COL5A2: variants seen among roughly 807,000 people sequenced by gnomAD.
COL5A2 encodes the protein collagen type V alpha 2 chain, also known as collagen alpha-2(V) chain.
In COL5A2, 23 loss-of-function variants were observed where a neutral mutation model predicts 208.2. The observed-to-expected ratio is 0.11, with a 90% confidence interval of 0.08 to 0.16. The LOEUF (loss-of-function observed/expected upper bound fraction) is 0.16, where lower values mean the gene tolerates loss of function less well. COL5A2 is among the 10% of genes least tolerant of loss of function. The pLI is 1.00. For missense variants in COL5A2, 1,590 were observed against 1,956.4 expected (o/e 0.81, Z 3.53); for synonymous variants, 625 against 628.5 (o/e 0.99, Z 0.08).
chr2:189,278,871 T>C, the COL5A2 span, among the ~76,000 whole-genome samples: 1 of 152,054 alleles, frequency 6.6e-6, no homozygotes, highest in South Asian at 2.1e-4. Context: ...TGATTTATTA[T>C]TTTAGCAGTC....
At chr2:189,239,565 A>G in the COL5A2 span, among the ~76,000 whole-genome samples, 1 of 143,390 alleles carries the variant, frequency 7.0e-6, no homozygotes, top group African/African-American at 2.6e-5. Flanking sequence ...TGGGAATTGA[A>G]CAATGAGAAC....
At chr2:189,072,662 C>T (rs1016380108) in intron 17 of COL5A2, among the ~76,000 whole-genome samples, 1 of 148,192 alleles carries the variant, frequency 6.7e-6, no homozygotes, top group Non-Finnish European at 1.5e-5. Flanking sequence ...ATCCCAGCTA[C>T]TTGGGAGGCT....
intron 1 of COL5A2, among the ~76,000 whole-genome samples, chr2:189,149,803 T>C (rs1688110699): frequency 1.3e-5 from 2 of 152,160 alleles, no homozygotes; most frequent in African/African-American, 4.8e-5. Flanking sequence ...CATCAAGTCA[T>C]TAACCTCCAG....
the COL5A2 span, among the ~76,000 whole-genome samples, chr2:189,323,863 A>C: frequency 6.6e-6 from 1 of 152,220 alleles, no homozygotes; most frequent in Non-Finnish European, 1.5e-5. Flanking sequence ...TGCATTGCCA[A>C]GTCAATACTA....
the COL5A2 span, among the ~76,000 whole-genome samples, chr2:189,316,112 A>G: frequency 6.6e-6 from 1 of 152,198 alleles, no homozygotes; most frequent in Non-Finnish European, 1.5e-5. Flanking sequence ...ATTACTTGCT[A>G]TATACCTAAG....
At chr2:189,342,345 A>G in the COL5A2 span, among the ~76,000 whole-genome samples, 1 of 148,208 alleles carries the variant, frequency 6.7e-6, no homozygotes, top group South Asian at 2.1e-4. Context: ...AACTAAAAAT[A>G]CCAATAATTT....
chr2:189,071,440 TGAGA>T (rs1453388618), intron 18 of COL5A2, among the ~76,000 whole-genome samples: 2 of 152,300 alleles, frequency 1.3e-5, no homozygotes, highest in East Asian at 1.9e-4. Flanking sequence ...CCCAAAGTAC[TGAGA>T]GAAAGAACCA....
chr2:189,246,322 G>A, the COL5A2 span, among the ~76,000 whole-genome samples: 12 of 151,860 alleles, frequency 7.9e-5, no homozygotes, highest in African/African-American at 2.9e-4. Flanking sequence ...ATCAAAGCGT[G>A]GCCAAAGGGA....
the COL5A2 span, among the ~76,000 whole-genome samples, chr2:189,411,333 C>T: frequency 6.6e-6 from 1 of 152,072 alleles, no homozygotes; most frequent in African/African-American, 2.4e-5. Flanking sequence ...AACGAATGTT[C>T]CTTAAGACTA....
the COL5A2 span, among the ~76,000 whole-genome samples, chr2:189,327,475 T>C: frequency 1.3e-5 from 2 of 151,724 alleles, no homozygotes; most frequent in Admixed American, 1.3e-4. Flanking sequence ...AAAGTACAGA[T>C]TGAAGAAAGG....
intron 1 of COL5A2, among the ~76,000 whole-genome samples, chr2:189,200,935 C>T (rs1689061006): frequency 6.6e-6 from 1 of 151,886 alleles, no homozygotes; most frequent in Admixed American, 6.6e-5. Flanking sequence ...TAATGTAAGT[C>T]CTTACTGGCA....
In COL5A2 at chr2:189,095,804, A is replaced by G. The variant is rs563848059; in HGVS notation, c.456+1473T>C. On this transcript the variant is annotated intron_variant, in intron 6 of 53. Coordinates refer to ENST00000374866, the MANE Select transcript of COL5A2 (RefSeq NM_000393.5). ...CGACCACCCATCCTCCACCCAACTG[A>G]TGTTATTTTCTACCTATTTCTGTCT... The G allele has an allele frequency of 2.0e-5, 3 of 151,594 alleles. No individual in the cohort carries two copies. The South Asian group carries it at 6.3e-4, about 32-fold the overall frequency. 9.4% of individuals were successfully genotyped at this position (151,594 alleles called of 1,614,324 possible). A position where few individuals can be genotyped will look rare whatever the true frequency, so the allele number is the denominator to read the frequency against.
the COL5A2 span, among the ~76,000 whole-genome samples, chr2:189,276,693 G>T: frequency 6.6e-6 from 1 of 151,776 alleles, no homozygotes; most frequent in African/African-American, 2.4e-5. Flanking sequence ...TAAACAAGTT[G>T]GAATATTTCT....
rs753763451 is a variant in COL5A2 at position 189,062,932 on chromosome 2, C to G, written c.1924-14G>C. ...TCCAGGAGCTCCCTAGTATCACACA[C>G]AGATATTTGTGAGGTGAGTCTATGA... On this transcript the variant is annotated splice_polypyrimidine_tract_variant and intron_variant, in intron 28 of 53. Coordinates refer to ENST00000374866, the MANE Select transcript of COL5A2 (RefSeq NM_000393.5). 2 of 1,614,104 alleles carry G rather than the reference C, an allele frequency of 1.2e-6. No individual in the cohort carries two copies.
At chr2:189,314,700 G>A in the COL5A2 span, among the ~76,000 whole-genome samples, 3 of 152,062 alleles carry the variant, frequency 2.0e-5, no homozygotes, top group South Asian at 6.2e-4. Context: ...GACTAATAAA[G>A]AAGAAAAAGT....
chr2:189,367,267 T>C, the COL5A2 span, among the ~76,000 whole-genome samples: 1 of 152,190 alleles, frequency 6.6e-6, no homozygotes, highest in Non-Finnish European at 1.5e-5. Context: ...AGGTTGAGTA[T>C]TGATAATCCC....
chr2:189,144,188 T>C (rs2105777244), intron 1 of COL5A2, among the ~76,000 whole-genome samples: 1 of 152,232 alleles, frequency 6.6e-6, no homozygotes, highest in African/African-American at 2.4e-5. Flanking sequence ...AACATAAAAG[T>C]ACTTAAGAAT....
intron 1 of COL5A2, among the ~76,000 whole-genome samples, chr2:189,125,218 T>TG (rs1687583981): frequency 6.6e-6 from 1 of 152,162 alleles, no homozygotes; most frequent in Non-Finnish European, 1.5e-5. Flanking sequence ...ACTTCTCTGA[T>TG]GTTGTAGAGG....
chr2:189,129,741 G>T (rs1304946892), intron 1 of COL5A2, among the ~76,000 whole-genome samples: 1 of 151,940 alleles, frequency 6.6e-6, no homozygotes, highest in Non-Finnish European at 1.5e-5. Flanking sequence ...GAAGAGGTTG[G>T]ATTATAATTC....
Sources: gnomAD v4.1 joint callset for allele counts (sites outside exome capture counted in the v4.1 genomes callset) on GRCh38, gnomAD v4.1.1 for gene constraint, MANE v1.5 for transcripts, NCBI Gene and HGNC (gene_info 2026-07-23, HGNC 2026-07-21) for gene names.